DLG2: variants seen among roughly 807,000 people sequenced by gnomAD.
DLG2 encodes the protein discs large MAGUK scaffold protein 2.
Under a neutral mutation model 132.5 loss-of-function variants are expected in DLG2, and 45 were observed. The observed-to-expected ratio is 0.34, with a 90% CI of 0.27 to 0.44. DLG2 has a LOEUF of 0.44. Among genes scored for constraint, DLG2 ranks in the 20% least tolerant of loss-of-function variants. DLG2 has a pLI of 1.00. For synonymous variants in DLG2, 424 were observed against 419.6 expected (o/e 1.01, Z -0.13); for missense variants, 1,045 against 1,196.9 (o/e 0.87, Z 1.87).
At chr11:85,189,196 G>A (rs2080340761) in intron 4 of DLG2, among the ~76,000 whole-genome samples, 1 of 152,122 alleles carries the variant, frequency 6.6e-6, no homozygotes, top group Admixed American at 6.6e-5. Context: ...ATATCAAAGT[G>A]CTTAAAGTTA....
At chr11:85,534,959 G>A (rs1215270639) in intron 3 of DLG2, among the ~76,000 whole-genome samples, 1 of 152,158 alleles carries the variant, frequency 6.6e-6, no homozygotes, top group Non-Finnish European at 1.5e-5. Context: ...TTCACCAATA[G>A]TGTATTAGCG....
chr11:84,506,805 G>C (rs1369112730), intron 7 of DLG2, among the ~76,000 whole-genome samples: 1 of 152,162 alleles, frequency 6.6e-6, no homozygotes, highest in Admixed American at 6.5e-5. Context: ...GAAAATGTAA[G>C]AATTTGTTGG....
chr11:85,358,146 C>T (rs2083883908), intron 3 of DLG2, among the ~76,000 whole-genome samples: 1 of 152,072 alleles, frequency 6.6e-6, no homozygotes, highest in African/African-American at 2.4e-5. Context: ...ACTTTTCAAC[C>T]ATGGCACCTG....
intron 15 of DLG2, among the ~76,000 whole-genome samples, chr11:83,917,862 C>G (rs2077181913): frequency 6.6e-6 from 1 of 152,144 alleles, no homozygotes; most frequent in Non-Finnish European, 1.5e-5. Flanking sequence ...ATAGTTATTA[C>G]TAGAGTTACA....
At chr11:83,537,728 T>C (rs181114481) in intron 20 of DLG2, among the ~76,000 whole-genome samples, 1 of 140,954 alleles carries the variant, frequency 7.1e-6, no homozygotes, top group Non-Finnish European at 1.5e-5. Flanking sequence ...GGCAGGAGGA[T>C]AGCTTGAACC....
At chr11:83,561,810 G>A (rs1240387416) in intron 19 of DLG2, among the ~76,000 whole-genome samples, 1 of 151,520 alleles carries the variant, frequency 6.6e-6, no homozygotes, top group Admixed American at 6.6e-5. Flanking sequence ...ATAAGTACCA[G>A]GTAGGGCAGT....
intron 3 of DLG2, among the ~76,000 whole-genome samples, chr11:85,337,205 TA>T (rs2082193315): frequency 6.6e-6 from 1 of 152,208 alleles, no homozygotes; most frequent in Admixed American, 6.5e-5. Flanking sequence ...AATTAAAATA[TA>T]TCTATGTCAC....
intron 6 of DLG2, among the ~76,000 whole-genome samples, chr11:84,919,009 A>G (rs1266754451): frequency 6.6e-6 from 1 of 152,178 alleles, no homozygotes; most frequent in Non-Finnish European, 1.5e-5. Context: ...ACATGTGAAT[A>G]TGCATATATG....
intron 7 of DLG2, among the ~76,000 whole-genome samples, chr11:84,493,014 G>A (rs1429655031): frequency 2.8e-4 from 42 of 152,088 alleles, no homozygotes; most frequent in Admixed American, 2.8e-3. Context: ...TGGCCATTGG[G>A]TATGGGAAAG....
intron 6 of DLG2, among the ~76,000 whole-genome samples, chr11:84,688,067 T>C (rs915038602): frequency 6.6e-6 from 1 of 152,168 alleles, no homozygotes; most frequent in Non-Finnish European, 1.5e-5. Context: ...AAAACTCAGA[T>C]GTGGTCCTCA....
intron 19 of DLG2, among the ~76,000 whole-genome samples, chr11:83,580,792 C>T (rs1278306978): frequency 7.2e-6 from 1 of 139,684 alleles, no homozygotes; most frequent in Non-Finnish European, 1.5e-5. Context: ...AAAAACTGGC[C>T]CTCCCTCCCT....
At chr11:85,465,044 A>G (rs1254896697) in intron 3 of DLG2, among the ~76,000 whole-genome samples, 2 of 128,958 alleles carry the variant, frequency 1.6e-5, no homozygotes, top group Non-Finnish European at 3.2e-5. Flanking sequence ...ACTGTACTCC[A>G]GCACGGGCAA....
chr11:85,333,902 C>A (rs2152844185), intron 3 of DLG2, among the ~76,000 whole-genome samples: 1 of 150,558 alleles, frequency 6.6e-6, no homozygotes, highest in East Asian at 2.0e-4. Context: ...TTTTTTTTCA[C>A]TGTGTCTCTG....
Position 84,129,629 on chromosome 11 carries a change from G to A in DLG2, c.625-30582C>T, listed in dbSNP as rs116091596. Among the ~76,000 whole-genome samples the A allele has an allele frequency of 3.4e-3, 522 of 152,056 alleles. 6 individuals carry two copies. Among genetic ancestry groups the A allele is most frequent in the African/African-American group, 0.012 (487 of 41,496 alleles). On this transcript the variant is annotated intron_variant, in intron 9 of 27. Transcript: ENST00000376104. ...GTATATAGTTGCTTTTTTTGAGAAC[G>A]TAAATTATGCACCACTAAATTCATT...
intron 18 of DLG2, among the ~76,000 whole-genome samples, chr11:83,772,745 G>T (rs2094448854): frequency 6.6e-6 from 1 of 152,062 alleles, no homozygotes; most frequent in South Asian, 2.1e-4. Context: ...AACTCCCCAG[G>T]CCATTACACA....
At chr11:85,429,052 C>T (rs934127104) in intron 3 of DLG2, among the ~76,000 whole-genome samples, 2 of 152,324 alleles carry the variant, frequency 1.3e-5, no homozygotes, top group South Asian at 4.2e-4. Flanking sequence ...TTCCTCAACA[C>T]ATACACCCTC....
Position 84,561,892 on chromosome 11 carries a change from C to T in DLG2, c.358-27161G>A, listed in dbSNP as rs372264618. Among the ~76,000 whole-genome samples the T allele has an allele frequency of 1.9e-4, 29 of 152,040 alleles. No individual in the cohort carries two copies. In the East Asian group the frequency reaches 4.2e-3, roughly 22 times the overall value. On this transcript the variant is annotated intron_variant, in intron 6 of 27. Coordinates refer to ENST00000376104, the MANE Select transcript of DLG2 (RefSeq NM_001142699.3). ...ACTGATGAACACTATATATGTCAAA[C>T]GAAATTGCAACTGGGTTTCAACCAA...
chr11:84,425,246 C>T (rs1191224510), intron 7 of DLG2, among the ~76,000 whole-genome samples: 1 of 152,094 alleles, frequency 6.6e-6, no homozygotes, highest in African/African-American at 2.4e-5. Context: ...GGTCAGTCTA[C>T]AGTCAACCTG....
chr11:85,015,440 CA>C (rs1592713431), intron 6 of DLG2, among the ~76,000 whole-genome samples: 3 of 145,058 alleles, frequency 2.1e-5, no homozygotes, highest in Admixed American at 1.4e-4. Context: ...CTTGGCAAAA[CA>C]GAAAAAAAAG....
Sources: gnomAD v4.1 joint callset for allele counts (sites outside exome capture counted in the v4.1 genomes callset) on GRCh38, gnomAD v4.1.1 for gene constraint, MANE v1.5 for transcripts, NCBI Gene and HGNC (gene_info 2026-07-23, HGNC 2026-07-21) for gene names.